Variants in CACNA1A observed in about 807,000 individuals in gnomAD.
CACNA1A encodes the protein voltage-dependent P/Q-type calcium channel subunit alpha-1A.
A neutral mutation model predicts 262.4 loss-of-function variants in CACNA1A; 57 were observed. The ratio of observed to expected loss-of-function variants is 0.22; its 90% CI spans 0.18 to 0.27. CACNA1A has a LOEUF of 0.27. CACNA1A is among the 10% of genes least tolerant of loss of function. The pLI, the probability that CACNA1A is intolerant of heterozygous loss-of-function variation, is 1.00. For synonymous variants in CACNA1A, 1,431 were observed against 1,419.3 expected (o/e 1.01, Z -0.18); for missense variants, 2,526 against 3,562.8 (o/e 0.71, Z 7.41).
chr19:13,207,588 C>A lies in CACNA1A; in HGVS notation c.7246G>T (p.Asp2416Tyr). The A allele has an allele frequency of 6.8e-7, 1 of 1,481,148 alleles. No homozygotes were observed. The highest frequency in any genetic ancestry group is 2.9e-5 in the East Asian group (1 of 34,056). 91.8% of individuals were successfully genotyped at this position (1,481,148 alleles called of 1,614,324 possible). A position where few individuals can be genotyped will look rare whatever the true frequency, so the allele number is the denominator to read the frequency against. The change falls in exon 47 of 47, where the codon GAC (aspartate) becomes TAC (tyrosine). Residue 2416 changes from aspartate to tyrosine, a missense_variant. Physicochemically the swap from Asp to Tyr is radical, Grantham distance 160 (BLOSUM62 -3). Coordinates refer to ENST00000360228, the MANE Select transcript of CACNA1A (RefSeq NM_001127222.2). This position sits in a 1 kb window ranked among gnomAD's most constrained non-coding sequence, Gnocchi z 5.7. ...HHGYYRGSDY[D>Y]EADGPGSGGG... is the part of the protein sequence containing the mutation. ...CCGCTGCCCGGGCCATCGGCCTCGT[C>A]GTAGTCGGAGCCCCGGTAGTAGCCA...
At chr19:13,457,572 C>T (rs1208458345) in intron 1 of CACNA1A, among the ~76,000 whole-genome samples, 2 of 152,076 alleles carry the variant, frequency 1.3e-5, no homozygotes, top group Admixed American at 6.5e-5. Flanking sequence ...TGAAGTAGGC[C>T]GGGTGCAGTG....
chr19:13,209,807 C>G (rs2054736827), intron 44 of CACNA1A, among the ~76,000 whole-genome samples: 1 of 152,196 alleles, frequency 6.6e-6, no homozygotes, highest in African/African-American at 2.4e-5. Flanking sequence ...CCTGGGGGCC[C>G]AGCCACAGTT....
intron 7 of CACNA1A, among the ~76,000 whole-genome samples, chr19:13,334,865 C>T (rs1487109059): frequency 2.0e-5 from 3 of 151,810 alleles, no homozygotes; most frequent in Non-Finnish European, 4.4e-5. Context: ...TGGGCCCCAT[C>T]TCTATGAAAA....
At chr19:13,351,832 G>T (rs544796155) in intron 6 of CACNA1A, among the ~76,000 whole-genome samples, 216 of 151,982 alleles carry the variant, frequency 1.4e-3, no homozygotes, top group Non-Finnish European at 2.6e-3. Context: ...ATTTTTTTAA[G>T]ATGAGTCTTG....
intron 32 of CACNA1A, 52 bp downstream of exon 32, chr19:13,235,562 G>T: frequency 8.0e-7 from 1 of 1,247,668 alleles, no homozygotes; most frequent in Non-Finnish European, 1.2e-6. Flanking sequence ...GCCAGAGCAT[G>T]AGGGTCACCT....
At chr19:13,433,233 C>T (rs897503205) in intron 3 of CACNA1A, among the ~76,000 whole-genome samples, 2 of 148,558 alleles carry the variant, frequency 1.3e-5, no homozygotes, top group African/African-American at 5.0e-5. Flanking sequence ...ATGGGGCTTG[C>T]AGTGAGCCGA....
intron 8 of CACNA1A, chr19:13,334,120 A>T (rs2058515651): frequency 4.4e-6 from 2 of 455,562 alleles, no homozygotes; most frequent in African/African-American, 3.9e-5. Flanking sequence ...TGCATGGGTA[A>T]AAAGTGGCAG....
chr19:13,470,765 G>A (rs2061334097), intron 1 of CACNA1A, among the ~76,000 whole-genome samples: 1 of 152,220 alleles, frequency 6.6e-6, no homozygotes, highest in Non-Finnish European at 1.5e-5. Context: ...ACCAGCAAGA[G>A]ATCAGAGAGG....
chr19:13,486,072 C>T (rs1267949410), intron 1 of CACNA1A, among the ~76,000 whole-genome samples: 1 of 152,202 alleles, frequency 6.6e-6, no homozygotes, highest in Non-Finnish European at 1.5e-5. Flanking sequence ...AAAACAACTC[C>T]TCTCACATGA....
In CACNA1A at chr19:13,408,960, C is replaced by T. The variant is rs564986023; in HGVS notation, c.540-37181G>A. ...TCTATTAAAATGTATTTTTGTAATT[C>T]CGAGTTGAAAATAGACATACCGACT... On this transcript the variant is annotated intron_variant, in intron 3 of 46. Transcript: ENST00000360228. Among the ~76,000 whole-genome samples the T allele has an allele frequency of 1.4e-4, 21 of 152,194 alleles. No individual in the cohort carries two copies. In the South Asian group the frequency reaches 4.4e-3, roughly 32 times the overall value.
At chr19:13,235,929 G>A (rs1600140382) in intron 31 of CACNA1A, 199 bp from the exon 32 acceptor site, 1 of 518,196 alleles carries the variant, frequency 1.9e-6, no homozygotes, top group East Asian at 3.0e-5. Flanking sequence ...TTGGGAGAGA[G>A]AGGGTGGGAG....
chr19:13,393,657 TTCC>T (rs1423849748), intron 3 of CACNA1A, among the ~76,000 whole-genome samples: 39 of 149,722 alleles, frequency 2.6e-4, no homozygotes, highest in Non-Finnish European at 5.3e-4. Flanking sequence ...TTTCTCTGTC[TTCC>T]TCTTTTCTTT....
intron 40 of CACNA1A, among the ~76,000 whole-genome samples, chr19:13,213,083 C>T (rs1314943093): frequency 6.6e-6 from 1 of 152,154 alleles, no homozygotes; most frequent in Non-Finnish European, 1.5e-5. Context: ...TAGAACCCTC[C>T]ATGGCTCCCA....
rs892061709 is a variant in CACNA1A at position 13,375,236 on chromosome 19, C to T, written c.540-3457G>A. 4.6e-5 allele frequency among the ~76,000 whole-genome samples: 7 copies of T among 152,006 alleles called. No homozygotes were observed. In the East Asian group the frequency reaches 7.7e-4, roughly 17 times the overall value. ...CTATAGTCATTGTTTGGGGGTGCCA[C>T]GAACCACATCCATAGAAGATGGCAA... On this transcript the variant is annotated intron_variant, in intron 3 of 46. Transcript: ENST00000360228.
At chr19:13,486,011 A>G (rs1979930993) in intron 1 of CACNA1A, among the ~76,000 whole-genome samples, 1 of 152,240 alleles carries the variant, frequency 6.6e-6, no homozygotes, top group Non-Finnish European at 1.5e-5. Flanking sequence ...CAGTGACCAC[A>G]ATGAGGATGA....
intron 30 of CACNA1A, among the ~76,000 whole-genome samples, chr19:13,251,131 C>CAT (rs1555742278): frequency 7.6e-6 from 1 of 131,500 alleles, no homozygotes; most frequent in Non-Finnish European, 1.6e-5. Flanking sequence ...GACTGTGTCT[C>CAT]AAAAAAAAAA....
rs537767173 is a variant in CACNA1A, at chr19:13,454,544, A to AT, written c.399+562dup. ...CACCACCATATCCAGCTAATTTTGT[A>AT]TTTTTTTAGTAGAGACGGGCTTTCA... On this transcript the variant is annotated intron_variant, in intron 2 of 46. Coordinates refer to ENST00000360228, the MANE Select transcript of CACNA1A (RefSeq NM_001127222.2). Among the ~76,000 whole-genome samples, 11 of 151,794 alleles carry AT rather than the reference A, an allele frequency of 7.2e-5. No homozygotes were observed. The South Asian group carries it at 2.1e-3, about 29-fold the overall frequency.
intron 1 of CACNA1A, among the ~76,000 whole-genome samples, chr19:13,483,359 G>C (rs1979591988): frequency 6.6e-6 from 1 of 152,116 alleles, no homozygotes; most frequent in South Asian, 2.1e-4. Context: ...TGTTACAGCA[G>C]CAAGCATATC....
rs77934873 is a variant in CACNA1A at position 13,336,486 on chromosome 19, T to C, written c.979-577A>G. Among the ~76,000 whole-genome samples, 47 of 150,220 alleles carry C rather than the reference T, an allele frequency of 3.1e-4. 1 individual carries two copies. The East Asian group carries it at 9.3e-3, about 30-fold the overall frequency. On this transcript the variant is annotated intron_variant, in intron 6 of 46. Coordinates refer to ENST00000360228, the MANE Select transcript of CACNA1A (RefSeq NM_001127222.2). ...AAAAGTCCACAAATAGAATACTCTC[T>C]GAAACAGAAAATAGAACACTATAGC...
Sources: allele counts gnomAD v4.1 joint callset (sites outside exome capture counted in the v4.1 genomes callset), GRCh38; gene constraint gnomAD v4.1.1; non-coding constraint Gnocchi (gnomAD v3.1); transcripts MANE v1.5; gene names NCBI Gene and HGNC (gene_info 2026-07-23, HGNC 2026-07-21).